The following RORA variants were observed in gnomAD, a reference collection of about 807,000 sequenced individuals.
RORA encodes nuclear receptor ROR-alpha.
Under a neutral mutation model 69.5 loss-of-function variants are expected in RORA, and 7 were observed. The observed-to-expected ratio is 0.10, with a 90% CI of 0.06 to 0.19. The LOEUF (loss-of-function observed/expected upper bound fraction) is 0.19. RORA is among the 10% of genes least tolerant of loss of function. The pLI is 1.00. For synonymous variants in RORA, 261 were observed against 240.8 expected, an observed-to-expected ratio of 1.08 and a Z score of -0.78; for missense variants, 457 against 663.0, an observed-to-expected ratio of 0.69 and a Z score of 3.41.
chr15:60,969,114 C>T (rs1472812441), intron 1 of RORA, among the ~76,000 whole-genome samples: 1 of 152,108 alleles, frequency 6.6e-6, no homozygotes, highest in Non-Finnish European at 1.5e-5. Context: ...ATGAAGTGGC[C>T]CATGGTTTCT....
At chr15:61,065,442 C>T (rs2078244281) in intron 1 of RORA, among the ~76,000 whole-genome samples, 1 of 152,176 alleles carries the variant, frequency 6.6e-6, no homozygotes, top group African/African-American at 2.4e-5. Context: ...TCTTTTCCAA[C>T]ACTTCATGAT....
intron 1 of RORA, among the ~76,000 whole-genome samples, chr15:61,054,816 T>A (rs1461231549): frequency 7.0e-6 from 1 of 142,788 alleles, no homozygotes; most frequent in Non-Finnish European, 1.5e-5. Context: ...TTTTTTGTTT[T>A]TTGTTTTTTG....
In RORA at chr15:60,842,798, G is replaced by A. The variant is rs937293241; in HGVS notation, c.167-164112C>T. 7.3e-5 allele frequency among the ~76,000 whole-genome samples: 11 copies of A among 151,340 alleles called. No homozygotes were observed. The East Asian group carries it at 2.0e-3, about 27-fold the overall frequency. On this transcript the variant is annotated intron_variant, in intron 1 of 10. Transcript: ENST00000335670. ...GCTCTAAGAAGTCCTCAATCCATAT[G>A]AGCTGAAAGTTCTCAGCCTTCAAAG...
At chr15:60,883,080 G>A (rs1407937350) in intron 1 of RORA, among the ~76,000 whole-genome samples, 2 of 125,520 alleles carry the variant, frequency 1.6e-5, no homozygotes, top group African/African-American at 3.1e-5. Flanking sequence ...GCAGTGAGCC[G>A]AGATCAAGCC....
intron 1 of RORA, among the ~76,000 whole-genome samples, chr15:60,754,944 C>T (rs2071775927): frequency 6.6e-6 from 1 of 150,436 alleles, no homozygotes; most frequent in Non-Finnish European, 1.5e-5. Context: ...TTATTATCCC[C>T]GTAAACTCAG....
chr15:61,024,773 T>G (rs1056337860), intron 1 of RORA, among the ~76,000 whole-genome samples: 5 of 151,632 alleles, frequency 3.3e-5, no homozygotes, highest in African/African-American at 1.2e-4. Context: ...GTATTTTTTA[T>G]AGAGATGGGA....
chr15:60,806,033 G>T (rs2072655604), intron 1 of RORA, among the ~76,000 whole-genome samples: 1 of 152,146 alleles, frequency 6.6e-6, no homozygotes, highest in Admixed American at 6.5e-5. Flanking sequence ...GCAATGCTTT[G>T]TAAAGCCTCC....
intron 1 of RORA, among the ~76,000 whole-genome samples, chr15:61,161,181 T>C (rs2079492573): frequency 1.3e-5 from 2 of 152,130 alleles, no homozygotes; most frequent in Admixed American, 1.3e-4. Flanking sequence ...GGATTGTGGA[T>C]CCCATATGAA....
At chr15:60,891,483 T>C (rs1214288033) in intron 1 of RORA, among the ~76,000 whole-genome samples, 2 of 152,022 alleles carry the variant, frequency 1.3e-5, no homozygotes, top group African/African-American at 2.4e-5. Flanking sequence ...ACAACAGACA[T>C]GAGAGGAACA....
chr15:60,753,942 C>A (rs916149672), intron 1 of RORA, among the ~76,000 whole-genome samples: 40 of 152,204 alleles, frequency 2.6e-4, no homozygotes, highest in African/African-American at 8.7e-4. Context: ...TCCCACTGGA[C>A]AGATGAAGAG....
At chr15:61,222,976 T>G (rs888710466) in intron 1 of RORA, among the ~76,000 whole-genome samples, 1 of 152,166 alleles carries the variant, frequency 6.6e-6, no homozygotes, top group Non-Finnish European at 1.5e-5. Context: ...CATAATACAG[T>G]AAATAACTTA....
At chr15:61,111,245 C>T (rs900198637) in intron 1 of RORA, among the ~76,000 whole-genome samples, 2 of 152,114 alleles carry the variant, frequency 1.3e-5, no homozygotes, top group Admixed American at 6.6e-5. Flanking sequence ...TCAAAACCTC[C>T]GTTAAGTAGT....
chr15:60,572,154 A>G (rs1171690477), intron 2 of RORA, among the ~76,000 whole-genome samples: 1 of 152,206 alleles, frequency 6.6e-6, no homozygotes, highest in Non-Finnish European at 1.5e-5. Context: ...GAGCCTTACA[A>G]TTACATAGCA....
rs59272444 is a variant in RORA, at chr15:60,491,381, G to C, written c.*6074C>G. 3.3e-5 allele frequency: 5 copies of C among 152,074 alleles called. No individual in the cohort carries two copies. Among genetic ancestry groups the C allele is most frequent in the Admixed American group, 6.6e-5 (1 of 15,266 alleles). The allele number at this position is 152,074 out of a possible 1,614,324, so 9.4% of individuals were successfully genotyped here. A position where few individuals can be genotyped will look rare whatever the true frequency, so the allele number is the denominator to read the frequency against. ...TCTTAGAAGGATGAAAGTAAAAGAA[G>C]TGTGGTACTGCTAATGTGGCAAAGT... On this transcript the variant is annotated 3_prime_UTR_variant, in exon 11 of 11. Coordinates refer to ENST00000335670, the MANE Select transcript of RORA (RefSeq NM_134261.3).
chr15:60,960,642 CTT>C (rs1227628217), intron 1 of RORA, among the ~76,000 whole-genome samples: 3 of 138,958 alleles, frequency 2.2e-5, no homozygotes, highest in Admixed American at 7.3e-5. Context: ...GCACACAAAT[CTT>C]TTTTTTTTTT....
At chr15:60,567,416 AT>A (rs199954074) in intron 2 of RORA, among the ~76,000 whole-genome samples, 127 of 142,788 alleles carry the variant, frequency 8.9e-4, no homozygotes, top group Non-Finnish European at 1.2e-3. Flanking sequence ...TATTATTATT[AT>A]TTTTTTTTTT....
At position 60,514,504 on chromosome 15, in the gene RORA, G is replaced by A. The variant is rs1028630280; in HGVS notation, c.424+112C>T. ...GAGCATGGGGGGCGGGGCGTAAGGT[G>A]GAATAATGAGGAGGGGGCAGGCGGG... On this transcript the variant is annotated intron_variant, in intron 4 of 10. Coordinates refer to ENST00000335670, the MANE Select transcript of RORA (RefSeq NM_134261.3). 1.2e-5 allele frequency: 13 copies of A among 1,040,026 alleles called. No individual in the cohort carries two copies. In the East Asian group the frequency reaches 2.4e-4, roughly 19 times the overall value. 64.4% of individuals were successfully genotyped at this position (1,040,026 alleles called of 1,614,324 possible).
At chr15:60,693,198 C>A (rs1255537653) in intron 1 of RORA, among the ~76,000 whole-genome samples, 1 of 152,288 alleles carries the variant, frequency 6.6e-6, no homozygotes, top group East Asian at 1.9e-4. Context: ...AAAGACAAAA[C>A]CACATGATTA....
Position 60,930,488 on chromosome 15 carries a change from A to C in RORA, c.167-251802T>G, listed in dbSNP as rs574255786. ...GGAAGACAAATATACAAGTGACCCA[A>C]CACCAGGTGGCCCACTATGAAGCTG... On this transcript the variant is annotated intron_variant, in intron 1 of 10. Coordinates refer to ENST00000335670, the MANE Select transcript of RORA (RefSeq NM_134261.3). 5.3e-5 allele frequency among the ~76,000 whole-genome samples: 8 copies of C among 152,280 alleles called. 1 individual carries two copies. In the South Asian group the frequency reaches 1.7e-3, roughly 32 times the overall value.
Sources: allele counts gnomAD v4.1 joint callset (sites outside exome capture counted in the v4.1 genomes callset), GRCh38; gene constraint gnomAD v4.1.1; transcripts MANE v1.5; gene names NCBI Gene and HGNC (gene_info 2026-07-23, HGNC 2026-07-21).